Variants in CACNA1B observed in about 807,000 individuals in gnomAD.
The protein encoded by CACNA1B is calcium voltage-gated channel subunit alpha1 B, also known as voltage-dependent N-type calcium channel subunit alpha-1B.
A neutral mutation model predicts 247.2 loss-of-function variants in CACNA1B; 70 were observed. That is an observed-to-expected ratio of 0.28 (90% CI 0.23 to 0.35). The LOEUF (loss-of-function observed/expected upper bound fraction) is 0.35. Ranked by LOEUF, CACNA1B falls within the 10% of genes least tolerant of loss-of-function variation. CACNA1B has a pLI of 1.00. For missense variants in CACNA1B, 2,367 were observed against 3,197.4 expected (o/e 0.74, Z 6.26); for synonymous variants, 1,231 against 1,294.4 (o/e 0.95, Z 1.05).
intron 20 of CACNA1B, among the ~76,000 whole-genome samples, chr9:138,027,964 G>A (rs187322113): frequency 1.8e-4 from 26 of 147,194 alleles, no homozygotes; most frequent in Non-Finnish European, 2.8e-4. Context: ...TAACTTCACA[G>A]CTCCATTCCT....
rs1958417191 is a variant in CACNA1B at position 137,990,285 on chromosome 9, C to T, written c.1974+3431C>T. Among the ~76,000 whole-genome samples, 1 of 152,036 alleles carries T rather than the reference C, an allele frequency of 6.6e-6. No individual in the cohort carries two copies. ...CTGAGAACCACACACCCATCCCCCA[C>T]AGCAGCCACAGCAAGCCCCGCCCAA... is the stretch of plus-strand genomic sequence containing the variant. On this transcript the variant is annotated intron_variant, in intron 15 of 46. Coordinates refer to ENST00000371372, the MANE Select transcript of CACNA1B (RefSeq NM_000718.4). The surrounding 1 kb of genome is among the most constrained non-coding windows in gnomAD (Gnocchi z 4.5).
intron 21 of CACNA1B, 118 bp from the exon 22 acceptor site, chr9:138,046,786 C>A: frequency 1.1e-6 from 1 of 932,834 alleles, no homozygotes; most frequent in Non-Finnish European, 1.6e-6. Context: ...AGCTCTGGGG[C>A]CACAGCTTCC....
intron 20 of CACNA1B, 123 bp from the exon 21 acceptor site, chr9:138,043,651 C>A: frequency 9.5e-7 from 1 of 1,048,810 alleles, no homozygotes; most frequent in Non-Finnish European, 1.4e-6. Context: ...GCTGCTTGCC[C>A]ATCCCTGGTG....
intron 12 of CACNA1B, among the ~76,000 whole-genome samples, chr9:137,978,186 G>T (rs1368208820): frequency 1.5e-5 from 2 of 135,988 alleles, no homozygotes; most frequent in African/African-American, 5.6e-5. Flanking sequence ...ACAGGTGGGA[G>T]CATTGCCCCC....
chr9:138,088,915 C>T (rs537756783), intron 36 of CACNA1B, among the ~76,000 whole-genome samples: 19 of 132,092 alleles, frequency 1.4e-4, no homozygotes, highest in Admixed American at 8.5e-4. Context: ...CCGGAGATCG[C>T]GCCATTGCAC....
intron 6 of CACNA1B, among the ~76,000 whole-genome samples, chr9:137,921,657 G>T (rs1466879895): frequency 7.1e-6 from 1 of 140,776 alleles, no homozygotes; most frequent in Non-Finnish European, 1.5e-5. Flanking sequence ...CACCACGACC[G>T]CACAGCATCC....
chr9:138,081,621 G>A lies in CACNA1B; in HGVS notation c.5094+3363G>A, dbSNP rs911802845. 2.0e-5 allele frequency among the ~76,000 whole-genome samples: 3 copies of A among 151,096 alleles called. 1 individual carries two copies. Among genetic ancestry groups the A allele is most frequent in the African/African-American group, 7.4e-5 (3 of 40,778 alleles). On this transcript the variant is annotated intron_variant, in intron 36 of 46. Transcript: ENST00000371372. The stretch of plus-strand genomic sequence containing the variant: ...TCATGACAGCCTGCTGATAATCACT[G>A]AGTCAGGCACTATGCAGGGTCTTAT...
rs372110974 is a variant in CACNA1B, at chr9:137,939,582, G to A, written c.967-12692G>A. Among the ~76,000 whole-genome samples the A allele has an allele frequency of 3.3e-5, 5 of 151,956 alleles. No homozygotes were observed. The East Asian group carries it at 5.8e-4, about 18-fold the overall frequency. Reference sequence around the variant, plus strand: ...TGGGAGGCTGAGGCAGGTGGATCACGAGGTCAGGAGATCGAGACCATCCTG... The same window carrying A: ...TGGGAGGCTGAGGCAGGTGGATCACAAGGTCAGGAGATCGAGACCATCCTG... On this transcript the variant is annotated intron_variant, in intron 6 of 46. Coordinates refer to ENST00000371372, the MANE Select transcript of CACNA1B (RefSeq NM_000718.4).
At chr9:137,969,408 ATG>A (rs752448020) in intron 10 of CACNA1B, among the ~76,000 whole-genome samples, 1 of 151,880 alleles carries the variant, frequency 6.6e-6, no homozygotes, top group Non-Finnish European at 1.5e-5. Flanking sequence ...GCACAGGAAG[ATG>A]TGTGTGTGTG....
intron 6 of CACNA1B, among the ~76,000 whole-genome samples, chr9:137,928,037 T>G (rs1244076535): frequency 6.6e-6 from 1 of 152,218 alleles, no homozygotes; most frequent in African/African-American, 2.4e-5. Flanking sequence ...TTTGTTAGCA[T>G]TTTTACTAAG....
Position 138,043,919 on chromosome 9 carries a change from T to A in CACNA1B, c.3413+19T>A. On this transcript the variant is annotated intron_variant, in intron 21 of 46. Coordinates refer to ENST00000371372, the MANE Select transcript of CACNA1B (RefSeq NM_000718.4). ...CCAACCTGTGAGTCTCCTTGCCTGC[T>A]GGTGTGTGTGGCCGCCCACTCACCC... 1 of 1,609,834 alleles carries A rather than the reference T, an allele frequency of 6.2e-7. No individual in the cohort carries two copies. Among genetic ancestry groups the A allele is most frequent in the Non-Finnish European group, 8.5e-7 (1 of 1,176,584 alleles).
rs907627684 is a variant in CACNA1B, at chr9:138,010,437, G to A, written c.2160+360G>A. ...GCTGCTGCTTCAGGCAGTGCTCAGC[G>A]GGTGCCATTTTAATATTCATCTCAT... is the stretch of plus-strand genomic sequence containing the variant. On this transcript the variant is annotated intron_variant, in intron 17 of 46. Coordinates refer to ENST00000371372, the MANE Select transcript of CACNA1B (RefSeq NM_000718.4). The surrounding 1 kb of genome is among the most constrained non-coding windows in gnomAD (Gnocchi z 5.3). Among the ~76,000 whole-genome samples, 2 of 152,188 alleles carry A rather than the reference G, an allele frequency of 1.3e-5. No individual in the cohort carries two copies. Among genetic ancestry groups the A allele is most frequent in the Admixed American group, 6.5e-5 (1 of 15,290 alleles).
At chr9:137,960,225 A>T (rs1957998425) in intron 10 of CACNA1B, among the ~76,000 whole-genome samples, 1 of 134,472 alleles carries the variant, frequency 7.4e-6, no homozygotes, top group South Asian at 2.5e-4. Flanking sequence ...GGTCGGCCGG[A>T]GGGAAGCCGG....
chr9:137,957,664 G>A lies in CACNA1B; in HGVS notation c.1310G>A (p.Arg437Gln), dbSNP rs1320904451. ...DLIHAEEGED[R>Q]FADLCAVGSP... ...ATCCACGCAGAGGAGGGAGAGGACC[G>A]GTTTGCAGATCTCTGTGCTGTTGGT... The change falls in exon 10 of 47, where the codon CGG becomes CAG. Residue 437 changes from arginine to glutamine, a missense_variant. Physicochemically the swap from Arg to Gln is conservative, Grantham distance 43. Coordinates refer to ENST00000371372, the MANE Select transcript of CACNA1B (RefSeq NM_000718.4). The surrounding 1 kb of genome is among the most constrained non-coding windows in gnomAD (Gnocchi z 4.7). 1.4e-5 allele frequency: 22 copies of A among 1,600,590 alleles called. No homozygotes were observed. The highest frequency in any genetic ancestry group is 2.3e-5 in the East Asian group (1 of 44,336).
chr9:138,047,660 G>C (rs185865130), intron 23 of CACNA1B, among the ~76,000 whole-genome samples: 1 of 152,190 alleles, frequency 6.6e-6, no homozygotes, highest in Non-Finnish European at 1.5e-5. Flanking sequence ...ATTACTTCCC[G>C]CGCTGGGAGT....
intron 42 of CACNA1B, among the ~76,000 whole-genome samples, chr9:138,116,437 T>A (rs1250944466): frequency 6.6e-6 from 1 of 152,184 alleles, no homozygotes; most frequent in Non-Finnish European, 1.5e-5. Context: ...ACCCAGATCC[T>A]GGGGGCTGAC....
rs1957931502 is a variant in CACNA1B, at chr9:137,955,084, G to T, written c.1071-614G>T. ...GAGATGTCGGGGGCCAATGACAGAA[G>T]GTCTCCTCTCCTGCTCACTGTGAGC... On this transcript the variant is annotated intron_variant, in intron 7 of 46. Transcript: ENST00000371372. The surrounding 1 kb of genome is among the most constrained non-coding windows in gnomAD (Gnocchi z 6.9). Among the ~76,000 whole-genome samples the T allele has an allele frequency of 6.6e-6, 1 of 152,018 alleles. No homozygotes were observed. Among genetic ancestry groups the T allele is most frequent in the South Asian group, 2.1e-4 (1 of 4,820 alleles).
In CACNA1B at chr9:138,009,522, G is replaced by A. The variant is rs146875375; in HGVS notation, c.2093-488G>A. Among the ~76,000 whole-genome samples the A allele has an allele frequency of 2.4e-3, 365 of 152,350 alleles. 3 individuals carry two copies. The highest frequency in any genetic ancestry group is 4.2e-3 in the Non-Finnish European group (283 of 68,044). On this transcript the variant is annotated intron_variant, in intron 16 of 46. Coordinates refer to ENST00000371372, the MANE Select transcript of CACNA1B (RefSeq NM_000718.4). The stretch of plus-strand genomic sequence containing the variant: ...GCAAGCTCGTGGTTTGTCTGAGGTG[G>A]TCTCTGCTCACAGGACCCAGAAGGC...
rs868406615 is a variant in CACNA1B at position 138,094,994 on chromosome 9, A to C, written c.5095-1490A>C. Among the ~76,000 whole-genome samples the C allele has an allele frequency of 2.6e-5, 4 of 152,318 alleles. No individual in the cohort carries two copies. The Middle Eastern group carries it at 0.014, about 518-fold the overall frequency. On this transcript the variant is annotated intron_variant, in intron 36 of 46. Coordinates refer to ENST00000371372, the MANE Select transcript of CACNA1B (RefSeq NM_000718.4). ...ATCAAAAACCTAATAGAATAGCAAA[A>C]ATTATGAAACTATTAGAAGAATACA... is the stretch of plus-strand genomic sequence containing the variant.
Sources: allele counts gnomAD v4.1 joint callset (sites outside exome capture counted in the v4.1 genomes callset), GRCh38; gene constraint gnomAD v4.1.1; non-coding constraint Gnocchi (gnomAD v3.1); transcripts MANE v1.5; gene names NCBI Gene and HGNC (gene_info 2026-07-23, HGNC 2026-07-21).